NTM: variants seen among roughly 807,000 people sequenced by gnomAD.
NTM encodes the protein neurotrimin, also known as IgLON family member 2.
A neutral mutation model predicts 42.1 loss-of-function variants in NTM; 13 were observed. That is an observed-to-expected ratio of 0.31 (90% CI 0.20 to 0.49). The LOEUF (loss-of-function observed/expected upper bound fraction) is 0.49. NTM is among the 20% of genes least tolerant of loss of function. NTM has a pLI of 0.99. For synonymous variants in NTM, 187 were observed against 179.2 expected, an observed-to-expected ratio of 1.04 and a Z score of -0.35; for missense variants, 373 against 452.8, an observed-to-expected ratio of 0.82 and a Z score of 1.60.
intron 2 of NTM, among the ~76,000 whole-genome samples, chr11:132,064,181 C>A (rs976949203): frequency 6.6e-6 from 1 of 152,142 alleles, no homozygotes; most frequent in Non-Finnish European, 1.5e-5. Context: ...GTTGCACACT[C>A]TCTTTAAGAA....
At chr11:131,543,509 T>C (rs937666780) in intron 1 of NTM, among the ~76,000 whole-genome samples, 1 of 152,224 alleles carries the variant, frequency 6.6e-6, no homozygotes, top group Admixed American at 6.5e-5. Context: ...TTCAGTGATT[T>C]TCTGATTAGG....
intron 1 of NTM, among the ~76,000 whole-genome samples, chr11:131,630,159 C>A (rs556712180): frequency 6.6e-6 from 1 of 152,122 alleles, no homozygotes; most frequent in South Asian, 2.1e-4. Flanking sequence ...CAAAGGAGGT[C>A]GGGCCATGGT....
At chr11:131,662,464 AG>A (rs2068246678) in intron 1 of NTM, 1 of 152,224 alleles carries the variant, frequency 6.6e-6, no homozygotes, top group Non-Finnish European at 1.5e-5. Flanking sequence ...TCCTAGCCCG[AG>A]CAAGGGCTTT....
intron 3 of NTM, among the ~76,000 whole-genome samples, chr11:132,150,593 A>T (rs1324079730): frequency 6.6e-6 from 1 of 152,210 alleles, no homozygotes; most frequent in Non-Finnish European, 1.5e-5. Flanking sequence ...CTCTTTTAAA[A>T]ACAAGAGAGA....
intron 7 of NTM, 86 bp from the exon 8 acceptor site, chr11:132,330,067 G>T: frequency 6.5e-7 from 1 of 1,536,720 alleles, no homozygotes; most frequent in Admixed American, 2.0e-5. Flanking sequence ...AGGAGCGCCA[G>T]CTTCTTCCTG....
At chr11:131,833,184 A>AT (rs2043042601) in intron 1 of NTM, among the ~76,000 whole-genome samples, 1 of 152,160 alleles carries the variant, frequency 6.6e-6, no homozygotes, top group African/African-American at 2.4e-5. Flanking sequence ...ATATTGTGTG[A>AT]TTTTTGTATT....
At chr11:131,591,715 G>C (rs1344644247) in intron 1 of NTM, among the ~76,000 whole-genome samples, 1 of 152,166 alleles carries the variant, frequency 6.6e-6, no homozygotes, top group Non-Finnish European at 1.5e-5. Flanking sequence ...TGAGAGTGTG[G>C]ATGGCTCAGC....
chr11:131,850,912 T>C (rs1203541468), intron 1 of NTM, among the ~76,000 whole-genome samples: 2 of 152,202 alleles, frequency 1.3e-5, no homozygotes, highest in African/African-American at 4.8e-5. Context: ...GACAAATCTA[T>C]GGAGCTGAGC....
At chr11:131,483,457 G>A (rs1208212589) in intron 1 of NTM, among the ~76,000 whole-genome samples, 2 of 152,198 alleles carry the variant, frequency 1.3e-5, no homozygotes, top group South Asian at 4.1e-4. Flanking sequence ...TGGTCATGAA[G>A]TTAATAAGAA....
intron 4 of NTM, among the ~76,000 whole-genome samples, chr11:132,291,276 T>A (rs528052981): frequency 2.6e-5 from 4 of 152,158 alleles, no homozygotes; most frequent in Admixed American, 2.6e-4. Flanking sequence ...GAGGTAGAAT[T>A]AATAAGACTT....
chr11:131,722,289 G>T (rs1397035569), intron 1 of NTM, among the ~76,000 whole-genome samples: 1 of 152,124 alleles, frequency 6.6e-6, no homozygotes, highest in African/African-American at 2.4e-5. Flanking sequence ...GGACTATTCT[G>T]CATCTCTAGT....
At chr11:131,728,694 T>A (rs2135462082) in intron 1 of NTM, among the ~76,000 whole-genome samples, 1 of 152,302 alleles carries the variant, frequency 6.6e-6, no homozygotes, top group African/African-American at 2.4e-5. Flanking sequence ...AATTGCAACC[T>A]CAGGCATAAA....
chr11:131,628,509 A>G (rs2472246), intron 1 of NTM, among the ~76,000 whole-genome samples: 129,658 of 152,142 alleles, frequency 0.85, 55,367 homozygotes, highest in African/African-American at 0.9. Flanking sequence ...GTCTGTGTGC[A>G]TGTGTGTGTG....
At chr11:131,572,419 C>A (rs80312850) in intron 1 of NTM, among the ~76,000 whole-genome samples, 1 of 152,156 alleles carries the variant, frequency 6.6e-6, no homozygotes, top group Non-Finnish European at 1.5e-5. Context: ...CTGGACCATC[C>A]GTGACTCCTG....
intron 1 of NTM, among the ~76,000 whole-genome samples, chr11:131,633,848 AT>A (rs2064033620): frequency 1.3e-5 from 2 of 150,370 alleles, no homozygotes; most frequent in East Asian, 3.9e-4. Context: ...CATAAAACCT[AT>A]TTTGGTCTTC....
rs890042049 is a variant in NTM, at chr11:131,595,954, G to A, written c.82+225066G>A. Among the ~76,000 whole-genome samples, 38 of 152,368 alleles carry A rather than the reference G, an allele frequency of 2.5e-4. 1 individual carries two copies. Among genetic ancestry groups the A allele is most frequent in the Admixed American group, 1.6e-3 (24 of 15,308 alleles). On this transcript the variant is annotated intron_variant, in intron 1 of 8. Transcript: ENST00000683400. ...ACGGGAGCCCATGCCTGGATTGATTGACATGCTTTGTTTAGGAGCTAGGTC... is the reference window on the plus strand; with the variant it reads ...ACGGGAGCCCATGCCTGGATTGATTAACATGCTTTGTTTAGGAGCTAGGTC...
At chr11:132,029,605 G>C (rs1049330867) in intron 2 of NTM, among the ~76,000 whole-genome samples, 4 of 151,990 alleles carry the variant, frequency 2.6e-5, no homozygotes, top group Non-Finnish European at 5.9e-5. Flanking sequence ...GAAGGTGTTT[G>C]CTCCAATAAT....
At chr11:131,690,454 G>T (rs1444289108) in intron 1 of NTM, among the ~76,000 whole-genome samples, 1 of 152,184 alleles carries the variant, frequency 6.6e-6, no homozygotes, top group Non-Finnish European at 1.5e-5. Context: ...GGACTGTGGA[G>T]ATGCTGCACG....
At chr11:132,302,350 A>G (rs999794199) in intron 4 of NTM, among the ~76,000 whole-genome samples, 1 of 152,222 alleles carries the variant, frequency 6.6e-6, no homozygotes, top group Non-Finnish European at 1.5e-5. Flanking sequence ...ATTATACTAC[A>G]CACTCGATAA....
Sources: gnomAD v4.1 joint callset for allele counts (sites outside exome capture counted in the v4.1 genomes callset) on GRCh38, gnomAD v4.1.1 for gene constraint, MANE v1.5 for transcripts, NCBI Gene and HGNC (gene_info 2026-07-23, HGNC 2026-07-21) for gene names.